The following ZNF350 variants were observed in gnomAD, a reference collection of about 807,000 sequenced individuals.
The protein encoded by ZNF350 is KRAB zinc finger protein ZFQR.
ZNF350 carries 5 observed loss-of-function variants against 13.1 expected under a neutral mutation model. That is an observed-to-expected ratio of 0.38 (90% CI 0.20 to 0.80). The LOEUF (loss-of-function observed/expected upper bound fraction) is 0.80. Ranked by LOEUF, ZNF350 falls within the 30% of genes least tolerant of loss-of-function variation. The probability of loss-of-function intolerance (pLI) is 0.43; values close to 1 mark genes in which losing one functional copy is unlikely to be tolerated. For synonymous variants in ZNF350, 199 were observed against 224.2 expected, an observed-to-expected ratio of 0.89 and a Z score of 1.00; for missense variants, 534 against 644.2, an observed-to-expected ratio of 0.83 and a Z score of 1.85.
chr19:51,968,947 G>C, intron 3 of ZNF350, 58 bp downstream of exon 3: 3 of 1,613,716 alleles, frequency 1.9e-6, no homozygotes, highest in Non-Finnish European at 2.5e-6. Flanking sequence ...GTAGGCATCT[G>C]AGAAAGGAAG....
intron 1 of ZNF350, among the ~76,000 whole-genome samples, chr19:51,978,890 G>A (rs2085963460): frequency 6.6e-6 from 1 of 152,162 alleles, no homozygotes; most frequent in Non-Finnish European, 1.5e-5. Flanking sequence ...AAAGTGTTAT[G>A]GAAATCCCCA....
intron 2 of ZNF350, among the ~76,000 whole-genome samples, chr19:51,971,082 A>G (rs1412977389): frequency 1.3e-5 from 2 of 152,210 alleles, no homozygotes; most frequent in African/African-American, 2.4e-5. Context: ...TGAATTGTCA[A>G]TCTCTTGTCT....
chr19:51,979,418 A>T (rs149904576), intron 1 of ZNF350, among the ~76,000 whole-genome samples: 258 of 152,284 alleles, frequency 1.7e-3, no homozygotes, highest in African/African-American at 4.6e-3. Context: ...CGTGACATAG[A>T]AAAGTTAGAC....
At position 51,968,815 on chromosome 19, in the gene ZNF350, G is replaced by A. The variant is rs2278421; in HGVS notation, c.143-142C>T. On this transcript the variant is annotated intron_variant, in intron 3 of 4. Coordinates refer to ENST00000243644, the MANE Select transcript of ZNF350 (RefSeq NM_021632.4). ...TCTTATCTGAAACTATGAAAGTTTCGTTTCATATCTGTAACATCAAGGTTT... is the reference window on the plus strand; with the variant it reads ...TCTTATCTGAAACTATGAAAGTTTCATTTCATATCTGTAACATCAAGGTTT... 3.1e-3 allele frequency: 4,404 copies of A among 1,423,264 alleles called. 139 individuals carry two copies. In the East Asian group the frequency reaches 0.077, roughly 25 times the overall value. The allele number at this position is 1,423,264 out of a possible 1,614,324, so 88.2% of individuals were successfully genotyped here. A position where few individuals can be genotyped will look rare whatever the true frequency, so the allele number is the denominator to read the frequency against.
At chr19:51,974,276 G>T in intron 2 of ZNF350, 70 bp downstream of exon 2, 1 of 1,511,890 alleles carries the variant, frequency 6.6e-7, no homozygotes. Flanking sequence ...TAGTGAAATT[G>T]ATGTTTATAG....
intron 1 of ZNF350, among the ~76,000 whole-genome samples, chr19:51,980,480 G>A (rs531554440): frequency 1.2e-4 from 18 of 152,292 alleles, no homozygotes; most frequent in African/African-American, 2.2e-4. Context: ...AACTGGACAC[G>A]CACAGCTGAC....
In ZNF350 at chr19:51,969,048, G is replaced by A; in HGVS notation, c.99C>T (p.Tyr33=). The part of the protein sequence containing the change: ...QLLGAAQKDL[Y]RDVMLENYSN... ...TGTAGTTCTCCAACATCACATCCCG[G>A]TACAGGTCCTTCTGAGCAGCGCCCA... The change falls in exon 3 of 5, where the codon TAC becomes TAT. Residue 33 remains tyrosine, a synonymous_variant. Coordinates refer to ENST00000243644, the MANE Select transcript of ZNF350 (RefSeq NM_021632.4). The A allele has an allele frequency of 1.2e-6, 2 of 1,614,076 alleles. No homozygotes were observed. Among genetic ancestry groups the A allele is most frequent in the Middle Eastern group, 1.6e-4 (1 of 6,062 alleles).
intron 1 of ZNF350, among the ~76,000 whole-genome samples, chr19:51,977,673 G>A (rs1199856815): frequency 6.6e-6 from 1 of 152,238 alleles, no homozygotes; most frequent in African/African-American, 2.4e-5. Context: ...AAGATTACAT[G>A]AGGCACTGAA....
Position 51,964,646 on chromosome 19 carries a change from C to T in ZNF350, c.*208G>A. 1 of 560,704 alleles carries T rather than the reference C, an allele frequency of 1.8e-6. No homozygotes were observed. Among genetic ancestry groups the T allele is most frequent in the Middle Eastern group, 4.7e-4 (1 of 2,118 alleles). The allele number at this position is 560,704 out of a possible 1,614,324, so 34.7% of individuals were successfully genotyped here. The stretch of plus-strand genomic sequence containing the variant: ...CTTAAAAGTACTTGGGCTTCCTTTA[C>T]TCATTTAATTGACACAGTCGAGCAA... On this transcript the variant is annotated 3_prime_UTR_variant, in exon 5 of 5. Transcript: ENST00000243644.
At chr19:51,983,173 T>A (rs567237635) in intron 1 of ZNF350, among the ~76,000 whole-genome samples, 20 of 152,334 alleles carry the variant, frequency 1.3e-4, no homozygotes, top group Non-Finnish European at 2.2e-4. Flanking sequence ...TTTGTTAAAA[T>A]GTGTTTGCAG....
At chr19:51,982,473 G>A (rs529388715) in intron 1 of ZNF350, among the ~76,000 whole-genome samples, 31 of 152,184 alleles carry the variant, frequency 2.0e-4, no homozygotes, top group African/African-American at 6.0e-4. Flanking sequence ...TGACATAAAC[G>A]ATATCATTTA....
Position 51,968,642 on chromosome 19 carries a change from G to A in ZNF350, c.174C>T (p.Phe58=). 6.2e-7 allele frequency: 1 copy of A among 1,614,070 alleles called. No individual in the cohort carries two copies. The change falls in exon 4 of 5, where the codon TTC becomes TTT. Residue 58 remains phenylalanine, a synonymous_variant. Coordinates refer to ENST00000243644, the MANE Select transcript of ZNF350 (RefSeq NM_021632.4). ...GYQASKPDAL[F]KLEQGEQLWT... is the part of the protein sequence containing the mutation. Reference sequence around the variant, plus strand: ...ACAGTTGTTCTCCTTGTTCCAACTTGAAGAGTGCATCCGGTTTGCTGGCTT... The same window carrying A: ...ACAGTTGTTCTCCTTGTTCCAACTTAAAGAGTGCATCCGGTTTGCTGGCTT...
intron 4 of ZNF350, among the ~76,000 whole-genome samples, chr19:51,967,987 A>G (rs1043554212): frequency 6.6e-6 from 1 of 152,212 alleles, no homozygotes; most frequent in Non-Finnish European, 1.5e-5. Flanking sequence ...AGGGAGCGGA[A>G]GGAGTTTAAA....
chr19:51,968,337 A>T, intron 4 of ZNF350: 1 of 514,030 alleles, frequency 1.9e-6, no homozygotes, highest in South Asian at 2.3e-5. Flanking sequence ...GAAGAAAATT[A>T]TGCAGGCAAA....
At chr19:51,984,712 T>G (rs2086129120) in intron 1 of ZNF350, among the ~76,000 whole-genome samples, 1 of 152,198 alleles carries the variant, frequency 6.6e-6, no homozygotes, top group Non-Finnish European at 1.5e-5. Flanking sequence ...ATACCTTTGG[T>G]CCAGCCTGCA....
intron 1 of ZNF350, among the ~76,000 whole-genome samples, chr19:51,985,577 G>A (rs183172044): frequency 6.6e-6 from 1 of 152,180 alleles, no homozygotes. Flanking sequence ...GAACCAGCAA[G>A]ATTGGCTAAG....
At chr19:51,970,399 A>G (rs1300502025) in intron 2 of ZNF350, among the ~76,000 whole-genome samples, 1 of 152,136 alleles carries the variant, frequency 6.6e-6, no homozygotes, top group East Asian at 1.9e-4. Flanking sequence ...TACTTATAAT[A>G]TCTAATACAA....
chr19:51,974,803 T>C (rs1177082169), intron 1 of ZNF350: 2 of 156,310 alleles, frequency 1.3e-5, no homozygotes, highest in Non-Finnish European at 2.8e-5. Flanking sequence ...CCTCAGGAGA[T>C]GGTGAACTCT....
chr19:51,968,536 G>C (rs1180075801), intron 4 of ZNF350, 42 bp downstream of exon 4: 2 of 1,566,954 alleles, frequency 1.3e-6, no homozygotes, highest in Non-Finnish European at 1.8e-6. Flanking sequence ...TGACTGTCTA[G>C]AATGTGACTT....
Sources: gnomAD v4.1 joint callset for allele counts (sites outside exome capture counted in the v4.1 genomes callset) on GRCh38, gnomAD v4.1.1 for gene constraint, MANE v1.5 for transcripts, NCBI Gene and HGNC (gene_info 2026-07-23, HGNC 2026-07-21) for gene names.